The following IQGAP2 variants were observed in gnomAD, a reference collection of about 807,000 sequenced individuals.
The protein encoded by IQGAP2 is IQ motif containing GTPase activating protein 2, also known as ras GTPase-activating-like protein IQGAP2.
A neutral mutation model predicts 201.3 loss-of-function variants in IQGAP2; 173 were observed. The ratio of observed to expected loss-of-function variants is 0.86; its 90% confidence interval spans 0.76 to 0.98. The LOEUF is 0.98. Among genes scored for constraint, IQGAP2 ranks in the 50% least tolerant of loss-of-function variants. The pLI is 0.00. For synonymous variants in IQGAP2, 675 were observed against 673.9 expected, an observed-to-expected ratio of 1.00 and a Z score of -0.03; for missense variants, 1,687 against 1,864.8, an observed-to-expected ratio of 0.90 and a Z score of 1.76.
chr5:76,452,218 G>GT, intron 1 of IQGAP2, among the ~76,000 whole-genome samples: 1 of 146,688 alleles, frequency 6.8e-6, no homozygotes, highest in Middle Eastern at 3.6e-3. Flanking sequence ...CCCAGCCCTT[G>GT]TTTTTTTCTT....
Position 76,625,596 on chromosome 5 carries a change from A to C in IQGAP2, c.1522-1814A>C, listed in dbSNP as rs546400941. 6.6e-5 allele frequency among the ~76,000 whole-genome samples: 10 copies of C among 152,274 alleles called. No individual in the cohort carries two copies. The East Asian group carries it at 1.9e-3, about 29-fold the overall frequency. On this transcript the variant is annotated intron_variant, in intron 13 of 35. Coordinates refer to ENST00000274364, the MANE Select transcript of IQGAP2 (RefSeq NM_006633.5). ...GGTGATTGTGGAAGCAGGCACCAAC[A>C]CTTCCCCAGAGGTCTCCTTTAGCCC...
intron 11 of IQGAP2, among the ~76,000 whole-genome samples, chr5:76,601,716 C>T (rs543459149): frequency 1.2e-4 from 19 of 152,108 alleles, no homozygotes; most frequent in African/African-American, 9.7e-5. Flanking sequence ...GATTTTGGAA[C>T]GGCTCTAATA....
intron 1 of IQGAP2, among the ~76,000 whole-genome samples, chr5:76,432,621 A>G (rs776832401): frequency 1.3e-5 from 2 of 152,250 alleles, no homozygotes; most frequent in Non-Finnish European, 2.9e-5. Context: ...TGTTATTTAA[A>G]TTAGTGTCAG....
intron 2 of IQGAP2, among the ~76,000 whole-genome samples, chr5:76,548,245 A>T (rs1165471610): frequency 6.6e-6 from 1 of 152,228 alleles, no homozygotes; most frequent in Non-Finnish European, 1.5e-5. Context: ...GAACCAAGTT[A>T]GAAGCCAGAT....
intron 21 of IQGAP2, among the ~76,000 whole-genome samples, chr5:76,659,640 G>A (rs943868081): frequency 3.3e-5 from 5 of 152,142 alleles, no homozygotes; most frequent in African/African-American, 7.2e-5. Context: ...CTTGACCCAC[G>A]TAAATGACCA....
intron 2 of IQGAP2, among the ~76,000 whole-genome samples, chr5:76,518,056 A>T (rs2150190718): frequency 6.6e-6 from 1 of 152,272 alleles, no homozygotes; most frequent in South Asian, 2.1e-4. Context: ...TCCTGGGTTC[A>T]AGAGATTCTT....
At chr5:76,523,878 G>A (rs906328358) in intron 2 of IQGAP2, among the ~76,000 whole-genome samples, 7 of 152,126 alleles carry the variant, frequency 4.6e-5, no homozygotes, top group African/African-American at 7.2e-5. Flanking sequence ...GTGATTATCC[G>A]TACTCTCCAC....
At chr5:76,505,073 G>C (rs1311381817) in intron 2 of IQGAP2, among the ~76,000 whole-genome samples, 1 of 152,176 alleles carries the variant, frequency 6.6e-6, no homozygotes, top group Non-Finnish European at 1.5e-5. Context: ...AATGAGGTCA[G>C]TGTCTAGGGG....
At position 76,501,643 on chromosome 5, in the gene IQGAP2, C is replaced by CTTTTTTTTTTTTTTTTT. The variant is rs56929376; in HGVS notation, c.146+39988_146+39989insTTTTTTTTTTTTTTTTT. Among the ~76,000 whole-genome samples, 12 of 101,122 alleles carry CTTTTTTTTTTTTTTTTT rather than the reference C, an allele frequency of 1.2e-4. 1 individual carries two copies. Among genetic ancestry groups the CTTTTTTTTTTTTTTTTT allele is most frequent in the African/African-American group, 2.4e-4 (6 of 25,012 alleles). 66.3% of individuals were successfully genotyped at this position (101,122 alleles called of 152,430 possible). A position where few individuals can be genotyped will look rare whatever the true frequency, so the allele number is the denominator to read the frequency against. On this transcript the variant is annotated intron_variant, in intron 2 of 35. Transcript: ENST00000274364. The stretch of plus-strand genomic sequence containing the variant: ...CCTGCTGCATTTTCTTTTTCCTTTT[C>CTTTTTTTTTTTTTTTTT]TTTTTTTTTTTTTTCCTTGAGACAG...
chr5:76,516,990 TC>T (rs1758371762), intron 2 of IQGAP2, among the ~76,000 whole-genome samples: 1 of 152,160 alleles, frequency 6.6e-6, no homozygotes, highest in Non-Finnish European at 1.5e-5. Flanking sequence ...CCCTTTCCTG[TC>T]AATGTGGAGT....
intron 2 of IQGAP2, among the ~76,000 whole-genome samples, chr5:76,512,029 C>A (rs1757999744): frequency 6.6e-6 from 1 of 152,184 alleles, no homozygotes; most frequent in South Asian, 2.1e-4. Flanking sequence ...TCATCAGTAT[C>A]CTTAGGTCAA....
intron 2 of IQGAP2, among the ~76,000 whole-genome samples, chr5:76,465,456 G>C (rs1754716298): frequency 6.6e-6 from 1 of 152,170 alleles, no homozygotes; most frequent in Non-Finnish European, 1.5e-5. Context: ...ACCATACTCA[G>C]TGGTGAAATA....
chr5:76,455,117 A>G (rs1332792688), intron 1 of IQGAP2, among the ~76,000 whole-genome samples: 1 of 152,086 alleles, frequency 6.6e-6, no homozygotes, highest in Non-Finnish European at 1.5e-5. Flanking sequence ...TCTATTCTGG[A>G]AAGACATCCT....
intron 3 of IQGAP2, among the ~76,000 whole-genome samples, chr5:76,569,581 T>C (rs902360305): frequency 2.0e-4 from 31 of 152,254 alleles, no homozygotes; most frequent in Non-Finnish European, 4.1e-4. Context: ...AATTTGCTTA[T>C]ACTTTATATT....
At chr5:76,432,883 A>G (rs1752452071) in intron 1 of IQGAP2, among the ~76,000 whole-genome samples, 1 of 152,202 alleles carries the variant, frequency 6.6e-6, no homozygotes, top group Non-Finnish European at 1.5e-5. Context: ...TATGGATCAC[A>G]TATGGGGCCC....
At chr5:76,519,310 C>T (rs988529914) in intron 2 of IQGAP2, among the ~76,000 whole-genome samples, 7 of 152,164 alleles carry the variant, frequency 4.6e-5, no homozygotes, top group African/African-American at 1.7e-4. Flanking sequence ...ATTCATAAAG[C>T]ATGTAATCTT....
At chr5:76,451,383 T>C (rs1233990928) in intron 1 of IQGAP2, among the ~76,000 whole-genome samples, 3 of 152,166 alleles carry the variant, frequency 2.0e-5, no homozygotes, top group African/African-American at 7.2e-5. Context: ...AGCCTTCTCG[T>C]CACTGTCCAG....
At chr5:76,489,856 C>T (rs1489930136) in intron 2 of IQGAP2, among the ~76,000 whole-genome samples, 1 of 152,216 alleles carries the variant, frequency 6.6e-6, no homozygotes, top group Non-Finnish European at 1.5e-5. Context: ...TCCTGTTTCT[C>T]ATTTCCCTTT....
chr5:76,476,761 A>T (rs1253144053), intron 2 of IQGAP2, among the ~76,000 whole-genome samples: 1 of 152,118 alleles, frequency 6.6e-6, no homozygotes, highest in Non-Finnish European at 1.5e-5. Flanking sequence ...TGTGTTACTG[A>T]TTTACTAATT....
Sources: allele counts gnomAD v4.1 joint callset (sites outside exome capture counted in the v4.1 genomes callset), GRCh38; gene constraint gnomAD v4.1.1; transcripts MANE v1.5; gene names NCBI Gene and HGNC (gene_info 2026-07-23, HGNC 2026-07-21).